Variants in JAKMIP1 observed in about 807,000 individuals in gnomAD.
JAKMIP1 encodes janus kinase and microtubule interacting protein 1, also known as janus kinase and microtubule-interacting protein 1.
Under a neutral mutation model 113.0 loss-of-function variants are expected in JAKMIP1, and 33 were observed. That is an observed-to-expected ratio of 0.29 (90% CI 0.22 to 0.39). The LOEUF (loss-of-function observed/expected upper bound fraction) is 0.39, where lower values mean the gene tolerates loss of function less well. JAKMIP1 is among the 10% of genes least tolerant of loss of function. JAKMIP1 has a pLI of 1.00. For missense variants in JAKMIP1, 813 were observed against 1,080.5 expected, an observed-to-expected ratio of 0.75 and a Z score of 3.47; for synonymous variants, 480 against 459.9, an observed-to-expected ratio of 1.04 and a Z score of -0.56.
Position 6,043,025 on chromosome 4 carries a change from C to T in JAKMIP1, c.2029-798G>A, listed in dbSNP as rs553427653. On this transcript the variant is annotated intron_variant, in intron 16 of 20. Coordinates refer to ENST00000409021, the MANE Select transcript of JAKMIP1 (RefSeq NM_001099433.2). The stretch of plus-strand genomic sequence containing the variant: ...CGTGGATGTGCCTCTACGAGGAGCC[C>T]CTAAAACGGGAGGAAGTCCAGGCCA... Among the ~76,000 whole-genome samples, 21 of 152,070 alleles carry T rather than the reference C, an allele frequency of 1.4e-4. No individual in the cohort carries two copies. In the East Asian group the frequency reaches 4.1e-3, roughly 30 times the overall value.
Position 6,143,377 on chromosome 4 carries a change from G to A in JAKMIP1, c.-147-30380C>T, listed in dbSNP as rs926223738. ...CCTCCTTTGCCATCAGCAAGGCCTC[G>A]AAACTCAGCTGCCACCAACTCCTCT... On this transcript the variant is annotated intron_variant, in intron 1 of 20. Transcript: ENST00000409021. The surrounding 1 kb of genome is among the most constrained non-coding windows in gnomAD (Gnocchi z 4.9). 2.2e-4 allele frequency among the ~76,000 whole-genome samples: 34 copies of A among 152,126 alleles called. No individual in the cohort carries two copies. Among genetic ancestry groups the A allele is most frequent in the Middle Eastern group, 3.2e-3 (1 of 316 alleles).
At chr4:6,075,714 A>T (rs1719605811) in intron 8 of JAKMIP1, among the ~76,000 whole-genome samples, 1 of 152,228 alleles carries the variant, frequency 6.6e-6, no homozygotes, top group African/African-American at 2.4e-5. Flanking sequence ...TTAGCCAACA[A>T]CTATTTAGGG....
rs931112177 is a variant in JAKMIP1, at chr4:6,051,537, G to T, written c.1807-858C>A. On this transcript the variant is annotated intron_variant, in intron 13 of 20. Coordinates refer to ENST00000409021, the MANE Select transcript of JAKMIP1 (RefSeq NM_001099433.2). The surrounding 1 kb of genome is among the most constrained non-coding windows in gnomAD (Gnocchi z 5.0). ...TTACAGGCGTAAGCCACCTCGCCCGGCCCCAAAGGCTGACTTTCTGTTCTT... is the reference window on the plus strand; with the variant it reads ...TTACAGGCGTAAGCCACCTCGCCCGTCCCCAAAGGCTGACTTTCTGTTCTT... Among the ~76,000 whole-genome samples the T allele has an allele frequency of 6.6e-6, 1 of 151,552 alleles. No individual in the cohort carries two copies. Among genetic ancestry groups the T allele is most frequent in the African/African-American group, 2.4e-5 (1 of 41,228 alleles).
rs1287090413 is a variant in JAKMIP1, at chr4:6,089,555, A to T, written c.625-3926T>A. Among the ~76,000 whole-genome samples the T allele has an allele frequency of 6.6e-6, 1 of 152,184 alleles. No homozygotes were observed. The highest frequency in any genetic ancestry group is 1.5e-5 in the Non-Finnish European group (1 of 68,030). On this transcript the variant is annotated intron_variant, in intron 3 of 20. Transcript: ENST00000409021. This position sits in a 1 kb window ranked among gnomAD's most constrained non-coding sequence, Gnocchi z 5.3. The stretch of plus-strand genomic sequence containing the variant: ...TAACACTCTAGTTAGCAGCAGAACC[A>T]TGACTCAAGTGCAGATTGTACTCTC...
At chr4:6,032,721 G>A (rs1326869600) in intron 19 of JAKMIP1, among the ~76,000 whole-genome samples, 1 of 152,156 alleles carries the variant, frequency 6.6e-6, no homozygotes, top group African/African-American at 2.4e-5. Context: ...GCTCCATGAC[G>A]GCCAGCAGGG....
At position 6,071,937 on chromosome 4, in the gene JAKMIP1, A is replaced by G. The variant is rs190910908; in HGVS notation, c.1303-6929T>C. 1.5e-3 allele frequency among the ~76,000 whole-genome samples: 233 copies of G among 152,332 alleles called. 2 individuals are homozygous for G. The highest frequency in any genetic ancestry group is 5.3e-3 in the African/African-American group (222 of 41,564). On this transcript the variant is annotated intron_variant, in intron 8 of 20. Coordinates refer to ENST00000409021, the MANE Select transcript of JAKMIP1 (RefSeq NM_001099433.2). The stretch of plus-strand genomic sequence containing the variant: ...GCTTCTGGCACAGAGCCCGCTGTGA[A>G]AGGAAAATAAAAACTCTGAACCCCA...
chr4:6,090,443 C>T (rs1218668486), intron 3 of JAKMIP1, among the ~76,000 whole-genome samples: 1 of 152,152 alleles, frequency 6.6e-6, no homozygotes, highest in African/African-American at 2.4e-5. Flanking sequence ...GACTCCAGAA[C>T]CGTAGAGAAA....
rs75593825 is a variant in JAKMIP1 at position 6,137,226 on chromosome 4, G to C, written c.-147-24229C>G. 3.7e-3 allele frequency among the ~76,000 whole-genome samples: 564 copies of C among 152,256 alleles called. 5 individuals carry two copies. Among genetic ancestry groups the C allele is most frequent in the African/African-American group, 0.013 (530 of 41,544 alleles). On this transcript the variant is annotated intron_variant, in intron 1 of 20. Coordinates refer to ENST00000409021, the MANE Select transcript of JAKMIP1 (RefSeq NM_001099433.2). This position sits in a 1 kb window ranked among gnomAD's most constrained non-coding sequence, Gnocchi z 4.5. The stretch of plus-strand genomic sequence containing the variant: ...CAGCTCTGCCTCCTCCACCTGACAG[G>C]ACATGTGCTATGCCAGGTCCTGGCT...
At chr4:6,174,102 G>T (rs1725059319) in intron 1 of JAKMIP1, among the ~76,000 whole-genome samples, 1 of 152,104 alleles carries the variant, frequency 6.6e-6, no homozygotes, top group Admixed American at 6.5e-5. Context: ...ACAACATAAT[G>T]ATCAAAATCA....
intron 1 of JAKMIP1, among the ~76,000 whole-genome samples, chr4:6,119,734 C>T (rs762933052): frequency 6.6e-6 from 1 of 152,234 alleles, no homozygotes; most frequent in Non-Finnish European, 1.5e-5. Flanking sequence ...GGGCTGCTCA[C>T]ATCCCTCTAC....
At position 6,061,569 on chromosome 4, in the gene JAKMIP1, C is replaced by G. The variant is rs1045481516; in HGVS notation, c.1560+743G>C. ...CTGAGTCCGAGAAACCTGGCCTCGA[C>G]TCCCAGCTCTGTTCAGCATCATCTG... On this transcript the variant is annotated intron_variant, in intron 10 of 20. Transcript: ENST00000409021. This position sits in a 1 kb window ranked among gnomAD's most constrained non-coding sequence, Gnocchi z 5.3. 6.6e-6 allele frequency among the ~76,000 whole-genome samples: 1 copy of G among 152,204 alleles called. No homozygotes were observed. Among genetic ancestry groups the G allele is most frequent in the African/African-American group, 2.4e-5 (1 of 41,442 alleles).
intron 1 of JAKMIP1, among the ~76,000 whole-genome samples, chr4:6,175,630 G>A (rs1725259629): frequency 6.6e-6 from 1 of 152,166 alleles, no homozygotes; most frequent in Admixed American, 6.5e-5. Context: ...CAGCATGGCT[G>A]GCACCAGGCA....
rs1715352952 is a variant in JAKMIP1 at position 6,049,156 on chromosome 4, T to A, written c.1963-234A>T. Among the ~76,000 whole-genome samples the A allele has an allele frequency of 6.6e-6, 1 of 152,114 alleles. No individual in the cohort carries two copies. Among genetic ancestry groups the A allele is most frequent in the Non-Finnish European group, 1.5e-5 (1 of 68,006 alleles). ...GATTCTCTTGCCTCAGCCTCCCGAGTAGCTGGGATTACAGCAGCTGGGATG... is the reference window on the plus strand; with the variant it reads ...GATTCTCTTGCCTCAGCCTCCCGAGAAGCTGGGATTACAGCAGCTGGGATG... On this transcript the variant is annotated intron_variant, in intron 15 of 20. Transcript: ENST00000409021. This position sits in a 1 kb window ranked among gnomAD's most constrained non-coding sequence, Gnocchi z 7.0.
Position 6,026,750 on chromosome 4 carries a change from T to G in JAKMIP1, c.2446-472A>C, listed in dbSNP as rs1212209387. On this transcript the variant is annotated intron_variant, in intron 20 of 20. Coordinates refer to ENST00000409021, the MANE Select transcript of JAKMIP1 (RefSeq NM_001099433.2). Reference sequence around the variant, plus strand: ...AACTTGCAGACAAGTAGAGCCCTTCTGCCTACACCACGCTTGCCCAACCCT... The same window carrying G: ...AACTTGCAGACAAGTAGAGCCCTTCGGCCTACACCACGCTTGCCCAACCCT... 3.3e-5 allele frequency among the ~76,000 whole-genome samples: 5 copies of G among 152,220 alleles called. No individual in the cohort carries two copies. In the East Asian group the frequency reaches 9.7e-4, roughly 29 times the overall value.
At chr4:6,036,961 A>C (rs1713548381) in intron 18 of JAKMIP1, among the ~76,000 whole-genome samples, 1 of 131,488 alleles carries the variant, frequency 7.6e-6, no homozygotes, top group Non-Finnish European at 1.6e-5. Context: ...TCCCTCCATC[A>C]CCGAGGCAGA....
rs1726719378 is a variant in JAKMIP1, at chr4:6,186,988, C to T, written c.-148+13265G>A. Among the ~76,000 whole-genome samples, 1 of 152,100 alleles carries T rather than the reference C, an allele frequency of 6.6e-6. No individual in the cohort carries two copies. Among genetic ancestry groups the T allele is most frequent in the Admixed American group, 6.6e-5 (1 of 15,256 alleles). ...GGACTACAGACACACAACACCATGC[C>T]TGGCTAATTTTGTATTTTTTTTGTA... On this transcript the variant is annotated intron_variant, in intron 1 of 20. Transcript: ENST00000409021. The surrounding 1 kb of genome is among the most constrained non-coding windows in gnomAD (Gnocchi z 5.5).
Position 6,094,602 on chromosome 4 carries a change from AT to A in JAKMIP1, c.625-8974del, listed in dbSNP as rs1722556651. Among the ~76,000 whole-genome samples the A allele has an allele frequency of 6.6e-6, 1 of 152,234 alleles. No homozygotes were observed. Among genetic ancestry groups the A allele is most frequent in the Non-Finnish European group, 1.5e-5 (1 of 68,040 alleles). ...GCCCAAGGCCTTAAGCTGTGCCTTG[AT>A]TCCTCCTACCTTGTCAAACTAGTTC... On this transcript the variant is annotated intron_variant, in intron 3 of 20. Transcript: ENST00000409021. This position sits in a 1 kb window ranked among gnomAD's most constrained non-coding sequence, Gnocchi z 4.2.
Position 6,179,294 on chromosome 4 carries a change from G to A in JAKMIP1, c.-148+20959C>T, listed in dbSNP as rs1332644036. Among the ~76,000 whole-genome samples the A allele has an allele frequency of 6.6e-6, 1 of 152,108 alleles. No individual in the cohort carries two copies. The highest frequency in any genetic ancestry group is 2.4e-5 in the African/African-American group (1 of 41,424). On this transcript the variant is annotated intron_variant, in intron 1 of 20. Transcript: ENST00000409021. The surrounding 1 kb of genome is among the most constrained non-coding windows in gnomAD (Gnocchi z 4.5). ...GACTGCTTAACCTCGTGGGGTCTTG[G>A]TTTCCTCCTACCATCTTGCATGGTG... is the stretch of plus-strand genomic sequence containing the variant.
chr4:6,191,291 G>A (rs1727230415), intron 1 of JAKMIP1, among the ~76,000 whole-genome samples: 1 of 152,074 alleles, frequency 6.6e-6, no homozygotes, highest in African/African-American at 2.4e-5. Flanking sequence ...CTCACAGCCA[G>A]AGACACAGCT....
Sources: allele counts gnomAD v4.1 joint callset (sites outside exome capture counted in the v4.1 genomes callset), GRCh38; gene constraint gnomAD v4.1.1; non-coding constraint Gnocchi (gnomAD v3.1); transcripts MANE v1.5; gene names NCBI Gene and HGNC (gene_info 2026-07-23, HGNC 2026-07-21).